The following PRKCB variants were observed in gnomAD, a reference collection of about 807,000 sequenced individuals.
PRKCB encodes the protein protein kinase C beta type.
PRKCB carries 13 observed loss-of-function variants against 81.5 expected under a neutral mutation model. The ratio of observed to expected loss-of-function variants is 0.16; its 90% CI spans 0.10 to 0.25. PRKCB has a LOEUF of 0.25. PRKCB is among the 10% of genes least tolerant of loss of function. PRKCB has a pLI of 1.00. For synonymous variants in PRKCB, 335 were observed against 321.4 expected (o/e 1.04, Z -0.45); for missense variants, 509 against 875.7 (o/e 0.58, Z 5.29).
intron 3 of PRKCB, among the ~76,000 whole-genome samples, chr16:23,995,255 G>A (rs1372985611): frequency 6.6e-6 from 1 of 152,092 alleles, no homozygotes; most frequent in African/African-American, 2.4e-5. Context: ...TTACCAAGGG[G>A]CCCCAAGAGC....
At chr16:23,998,899 T>G (rs1437526951) in intron 3 of PRKCB, among the ~76,000 whole-genome samples, 1 of 152,192 alleles carries the variant, frequency 6.6e-6, no homozygotes, top group Non-Finnish European at 1.5e-5. Flanking sequence ...TCTGTATGAA[T>G]GAAGGAGTGC....
intron 2 of PRKCB, among the ~76,000 whole-genome samples, chr16:23,930,343 C>G (rs1443891426): frequency 2.6e-5 from 4 of 151,968 alleles, no homozygotes; most frequent in Non-Finnish European, 5.9e-5. Flanking sequence ...CCAAGGTGGG[C>G]AGATCACTTG....
At chr16:23,901,697 A>C (rs1209334279) in intron 2 of PRKCB, among the ~76,000 whole-genome samples, 1 of 152,140 alleles carries the variant, frequency 6.6e-6, no homozygotes, top group African/African-American at 2.4e-5. Context: ...CTGTTGTCTG[A>C]GACTGTGAGG....
intron 2 of PRKCB, among the ~76,000 whole-genome samples, chr16:23,935,497 A>G (rs1596479343): frequency 6.6e-6 from 1 of 152,140 alleles, no homozygotes; most frequent in East Asian, 1.9e-4. Context: ...AGGAGCATAC[A>G]ATTAACGTTA....
chr16:23,974,973 G>A (rs1443741232), intron 2 of PRKCB, among the ~76,000 whole-genome samples: 3 of 152,190 alleles, frequency 2.0e-5, no homozygotes, highest in Non-Finnish European at 4.4e-5. Context: ...TCATGTGCAA[G>A]GGGAAAGCCG....
chr16:23,950,132 ATTTTTTTTTTTTT>A (rs34117735), intron 2 of PRKCB, among the ~76,000 whole-genome samples: 1 of 97,760 alleles, frequency 1.0e-5, no homozygotes, highest in African/African-American at 4.2e-5. Flanking sequence ...TATGATTTGA[ATTTTTTTTTTTTT>A]TTTTTTTTTT....
At chr16:24,133,511 A>G (rs1486403328) in intron 9 of PRKCB, among the ~76,000 whole-genome samples, 1 of 152,166 alleles carries the variant, frequency 6.6e-6, no homozygotes, top group Admixed American at 6.5e-5. Flanking sequence ...AAGCATCTCT[A>G]GTGAGTGCAG....
At chr16:24,067,941 CAAAA>C (rs912993889) in intron 5 of PRKCB, among the ~76,000 whole-genome samples, 3 of 77,062 alleles carry the variant, frequency 3.9e-5, no homozygotes, top group African/African-American at 7.2e-5. Flanking sequence ...GACTCCGTCT[CAAAA>C]AAAAAAAAAA....
chr16:24,031,059 G>A (rs996262152), intron 3 of PRKCB, among the ~76,000 whole-genome samples: 1 of 152,072 alleles, frequency 6.6e-6, no homozygotes, highest in African/African-American at 2.4e-5. Context: ...GCAAAACCAT[G>A]TCTCTTAAAA....
chr16:24,033,032 G>C (rs1480781025), intron 4 of PRKCB, among the ~76,000 whole-genome samples: 1 of 152,224 alleles, frequency 6.6e-6, no homozygotes, highest in Non-Finnish European at 1.5e-5. Flanking sequence ...TGGTAGGAAA[G>C]GCAGGTGGGG....
intron 5 of PRKCB, among the ~76,000 whole-genome samples, chr16:24,076,478 A>G (rs1187226713): frequency 6.6e-6 from 1 of 152,204 alleles, no homozygotes; most frequent in East Asian, 1.9e-4. Flanking sequence ...AAGACGAGAC[A>G]GAAGCTTTCA....
At chr16:24,020,977 T>TC (rs1567346568) in intron 3 of PRKCB, among the ~76,000 whole-genome samples, 6 of 17,674 alleles carry the variant, frequency 3.4e-4, no homozygotes, top group Non-Finnish European at 5.5e-4. Context: ...GACTTTTCTT[T>TC]TTCTTTCTTT....
intron 2 of PRKCB, among the ~76,000 whole-genome samples, chr16:23,848,444 TG>T (rs1307721719): frequency 1.3e-5 from 2 of 152,214 alleles, no homozygotes; most frequent in Non-Finnish European, 2.9e-5. Flanking sequence ...AAGAGACATT[TG>T]GAATTTCATG....
rs143366151 is a variant in PRKCB, at chr16:24,072,129, T to C, written c.530-20662T>C. ...GAGTGAACAGTTCAGCGGCATTTAGTACATGCACAGTGTTGTGCAACCACC... is the reference window on the plus strand; with the variant it reads ...GAGTGAACAGTTCAGCGGCATTTAGCACATGCACAGTGTTGTGCAACCACC... On this transcript the variant is annotated intron_variant, in intron 5 of 16. Transcript: ENST00000643927. 3.8e-3 allele frequency among the ~76,000 whole-genome samples: 574 copies of C among 151,920 alleles called. 6 individuals carry two copies. Among genetic ancestry groups the C allele is most frequent in the African/African-American group, 0.013 (520 of 41,410 alleles).
chr16:24,195,297 C>G (rs115322707), intron 16 of PRKCB, among the ~76,000 whole-genome samples: 2,824 of 152,236 alleles, frequency 0.019, 32 homozygotes, highest in African/African-American at 0.063. Flanking sequence ...CCTCCTCCCC[C>G]CAATCCCAGG....
chr16:24,045,044 T>C (rs901094086), intron 5 of PRKCB, among the ~76,000 whole-genome samples: 5 of 152,158 alleles, frequency 3.3e-5, no homozygotes, highest in Non-Finnish European at 7.3e-5. Flanking sequence ...TGAGGGGGAT[T>C]GTGTTGTGTC....
chr16:24,047,864 C>A (rs1965788295), intron 5 of PRKCB, among the ~76,000 whole-genome samples: 2 of 152,148 alleles, frequency 1.3e-5, no homozygotes, highest in Non-Finnish European at 2.9e-5. Flanking sequence ...ACTGTGGGGT[C>A]AGAATCTTTC....
In PRKCB at chr16:24,220,453, A is replaced by C. The variant is rs1968305516; in HGVS notation, c.*5637A>C. The C allele has an allele frequency of 5.6e-6, 1 of 180,142 alleles. No homozygotes were observed. Among genetic ancestry groups the C allele is most frequent in the South Asian group, 1.5e-4 (1 of 6,704 alleles). 11.2% of individuals were successfully genotyped at this position (180,142 alleles called of 1,614,324 possible). ...GTCAGAAGCTGATGTTCCTGGTAAAAGTTTTTACAGTTATTCTATAATATC... is the reference window on the plus strand; with the variant it reads ...GTCAGAAGCTGATGTTCCTGGTAAACGTTTTTACAGTTATTCTATAATATC... On this transcript the variant is annotated 3_prime_UTR_variant, in exon 17 of 17. Coordinates refer to ENST00000643927, the MANE Select transcript of PRKCB (RefSeq NM_002738.7).
rs73548550 is a variant in PRKCB at position 24,169,419 on chromosome 16, A to G, written c.1240-2851A>G. ...GAGTGAGACCCCGAACCTTTGTGTT[A>G]GCCTACGTGACCTTACATGATGCGT... On this transcript the variant is annotated intron_variant, in intron 10 of 16. Coordinates refer to ENST00000643927, the MANE Select transcript of PRKCB (RefSeq NM_002738.7). 7.1e-3 allele frequency among the ~76,000 whole-genome samples: 1,082 copies of G among 152,206 alleles called. 9 individuals are homozygous for G. The highest frequency in any genetic ancestry group is 0.024 in the African/African-American group (1,010 of 41,516).
Sources: gnomAD v4.1 joint callset for allele counts (sites outside exome capture counted in the v4.1 genomes callset) on GRCh38, gnomAD v4.1.1 for gene constraint, MANE v1.5 for transcripts, NCBI Gene and HGNC (gene_info 2026-07-23, HGNC 2026-07-21) for gene names.